Variants in IMMP2L observed in about 807,000 individuals in gnomAD.
IMMP2L encodes inner mitochondrial membrane peptidase subunit 2, also known as mitochondrial inner membrane protease subunit 2.
A neutral mutation model predicts 19.3 loss-of-function variants in IMMP2L; 18 were observed. The observed-to-expected ratio is 0.93, with a 90% confidence interval of 0.64 to 1.38. The LOEUF (loss-of-function observed/expected upper bound fraction) is 1.38. Ranked by LOEUF, IMMP2L falls within the 40% of genes most tolerant of loss-of-function variation. The pLI is 0.00. For synonymous variants in IMMP2L, 76 were observed against 73.0 expected, an observed-to-expected ratio of 1.04 and a Z score of -0.21; for missense variants, 233 against 218.2, an observed-to-expected ratio of 1.07 and a Z score of -0.43.
chr7:111,544,951 C>G (rs1848787758), intron 1 of IMMP2L, among the ~76,000 whole-genome samples: 1 of 151,674 alleles, frequency 6.6e-6, no homozygotes. Context: ...AGACCAAAAC[C>G]CAAACTAAGA....
At chr7:110,882,288 C>CCTTCCTTCCTTA (rs1363482782) in intron 5 of IMMP2L, among the ~76,000 whole-genome samples, 926 of 33,390 alleles carry the variant, frequency 0.028, 10 homozygotes, top group African/African-American at 0.097. Flanking sequence ...TTGTCAAGTG[C>CCTTCCTTCCTTA]CTTCCTTCCT....
At chr7:110,740,528 A>C (rs1796926608) in intron 5 of IMMP2L, among the ~76,000 whole-genome samples, 1 of 152,122 alleles carries the variant, frequency 6.6e-6, no homozygotes, top group Non-Finnish European at 1.5e-5. Flanking sequence ...GAAAGCATAA[A>C]ATCTGAACAG....
chr7:111,370,022 A>T (rs1313917481), intron 3 of IMMP2L, among the ~76,000 whole-genome samples: 3 of 152,042 alleles, frequency 2.0e-5, no homozygotes, highest in Admixed American at 6.6e-5. Flanking sequence ...GACAGAGGAA[A>T]ACCTATAAAG....
At chr7:111,046,556 T>A (rs1302498811) in intron 3 of IMMP2L, among the ~76,000 whole-genome samples, 1 of 152,090 alleles carries the variant, frequency 6.6e-6, no homozygotes, top group East Asian at 1.9e-4. Flanking sequence ...TAAATGAAGA[T>A]AAAAAGAAAA....
chr7:110,669,104 T>C (rs542992993), intron 5 of IMMP2L, among the ~76,000 whole-genome samples: 5 of 143,730 alleles, frequency 3.5e-5, no homozygotes, highest in African/African-American at 8.0e-5. Flanking sequence ...TGTATATATA[T>C]ATATAGAGAG....
At chr7:110,846,974 T>C (rs1563021099) in intron 5 of IMMP2L, among the ~76,000 whole-genome samples, 1 of 152,176 alleles carries the variant, frequency 6.6e-6, no homozygotes, top group Non-Finnish European at 1.5e-5. Flanking sequence ...CAAACTACTG[T>C]CTAGAACTAA....
intron 3 of IMMP2L, among the ~76,000 whole-genome samples, chr7:111,073,215 T>C (rs1408763836): frequency 1.3e-5 from 2 of 152,104 alleles, no homozygotes; most frequent in African/African-American, 4.8e-5. Context: ...ACAATGAGTG[T>C]ATATATACAC....
At chr7:111,005,168 C>T (rs141470755) in intron 3 of IMMP2L, among the ~76,000 whole-genome samples, 7 of 152,078 alleles carry the variant, frequency 4.6e-5, no homozygotes, top group Admixed American at 1.3e-4. Flanking sequence ...CTGTTGGTTT[C>T]CAAGATGGTG....
intron 3 of IMMP2L, chr7:111,390,699 A>G (rs552488020): frequency 7.9e-5 from 12 of 152,278 alleles, no homozygotes; most frequent in African/African-American, 2.9e-4. Flanking sequence ...TTGTTCCTGT[A>G]GTGAAATAGA....
At chr7:111,112,495 G>A (rs1799355221) in intron 3 of IMMP2L, among the ~76,000 whole-genome samples, 1 of 152,108 alleles carries the variant, frequency 6.6e-6, no homozygotes, top group African/African-American at 2.4e-5. Flanking sequence ...GCACAAACAT[G>A]CACACAGCCA....
At chr7:111,365,957 C>T (rs547190441) in intron 3 of IMMP2L, among the ~76,000 whole-genome samples, 2 of 152,156 alleles carry the variant, frequency 1.3e-5, no homozygotes, top group Admixed American at 1.3e-4. Flanking sequence ...GAAGGGATGA[C>T]TGGTAGAGCA....
chr7:111,437,123 T>C (rs117083201), intron 3 of IMMP2L, among the ~76,000 whole-genome samples: 3,628 of 151,772 alleles, frequency 0.024, 95 homozygotes, highest in Middle Eastern at 0.11. Context: ...TCTTTTTTAA[T>C]GAAAATCAGT....
chr7:111,097,715 T>C (rs368409949), intron 3 of IMMP2L, among the ~76,000 whole-genome samples: 3 of 151,874 alleles, frequency 2.0e-5, no homozygotes, highest in African/African-American at 7.2e-5. Context: ...TAATGGGGTC[T>C]AAATTTAATT....
intron 3 of IMMP2L, among the ~76,000 whole-genome samples, chr7:111,096,033 C>T: frequency 6.6e-6 from 1 of 151,936 alleles, no homozygotes; most frequent in African/African-American, 2.4e-5. Context: ...ATGTGCTCTC[C>T]AAATTTTGCT....
intron 5 of IMMP2L, among the ~76,000 whole-genome samples, chr7:110,867,903 T>C (rs1308895424): frequency 1.3e-5 from 2 of 152,004 alleles, no homozygotes; most frequent in Non-Finnish European, 2.9e-5. Context: ...GATGCTGACA[T>C]TTCTCGGCCT....
intron 3 of IMMP2L, among the ~76,000 whole-genome samples, chr7:111,055,931 A>G (rs906769114): frequency 1.3e-5 from 2 of 152,236 alleles, no homozygotes; most frequent in African/African-American, 4.8e-5. Flanking sequence ...TGGCAATGAC[A>G]TACTTAGGCT....
intron 3 of IMMP2L, among the ~76,000 whole-genome samples, chr7:111,287,569 CA>C (rs1820630765): frequency 6.6e-6 from 1 of 151,276 alleles, no homozygotes; most frequent in Non-Finnish European, 1.5e-5. Flanking sequence ...AATAAACAAA[CA>C]AAATATACTT....
chr7:111,056,039 G>A lies in IMMP2L; in HGVS notation c.240-92474C>T, dbSNP rs191449070. 4.1e-3 allele frequency among the ~76,000 whole-genome samples: 627 copies of A among 152,124 alleles called. 3 individuals are homozygous for A. Among genetic ancestry groups the A allele is most frequent in the Middle Eastern group, 0.024 (7 of 292 alleles). On this transcript the variant is annotated intron_variant, in intron 3 of 5. Coordinates refer to ENST00000405709, the MANE Select transcript of IMMP2L (RefSeq NM_032549.4). ...ATCAATTAAAGCCTAATATCAAAAAGCTATGTTACTTTAAATTCATCTCTA... is the reference window on the plus strand; with the variant it reads ...ATCAATTAAAGCCTAATATCAAAAAACTATGTTACTTTAAATTCATCTCTA...
At chr7:111,274,179 A>G (rs1206427277) in intron 3 of IMMP2L, among the ~76,000 whole-genome samples, 1 of 152,156 alleles carries the variant, frequency 6.6e-6, no homozygotes, top group African/African-American at 2.4e-5. Flanking sequence ...GTAATTAGTG[A>G]TAATAATCAA....
Sources: allele counts gnomAD v4.1 joint callset (sites outside exome capture counted in the v4.1 genomes callset), GRCh38; gene constraint gnomAD v4.1.1; transcripts MANE v1.5; gene names NCBI Gene and HGNC (gene_info 2026-07-23, HGNC 2026-07-21).